The following OPHN1 variants were observed in gnomAD, a reference collection of about 807,000 sequenced individuals.
The protein encoded by OPHN1 is oligophrenin-1.
Under a neutral mutation model 60.7 loss-of-function variants are expected in OPHN1, and 11 were observed. The observed-to-expected ratio is 0.18, with a 90% CI of 0.11 to 0.30. OPHN1 has a LOEUF of 0.30. Ranked by LOEUF, OPHN1 falls within the 10% of genes least tolerant of loss-of-function variation. The probability of loss-of-function intolerance (pLI) is 1.00; values close to 1 mark genes in which losing one functional copy is unlikely to be tolerated. For synonymous variants in OPHN1, 226 were observed against 222.6 expected (o/e 1.02, Z -0.14); for missense variants, 449 against 611.0 (o/e 0.73, Z 2.80).
chrX:68,279,150 C>T (rs2078007957), intron 4 of OPHN1, among the ~76,000 whole-genome samples: 1 of 72,423 alleles, frequency 1.4e-5, no homozygotes, highest in African/African-American at 5.5e-5. Flanking sequence ...GGGCCTTACT[C>T]GCCCAGGCTG....
chrX:68,410,498 G>A (rs2078763996), intron 2 of OPHN1, among the ~76,000 whole-genome samples: 1 of 109,485 alleles, frequency 9.1e-6, no homozygotes, highest in South Asian at 4.1e-4. Flanking sequence ...GGAGACGGAG[G>A]TTGCAGTGAG....
At chrX:68,376,569 G>A (rs2047425883) in intron 2 of OPHN1, among the ~76,000 whole-genome samples, 1 of 111,338 alleles carries the variant, frequency 9.0e-6, no homozygotes, top group Non-Finnish European at 1.9e-5. Context: ...GGCCACAGAA[G>A]GAGTGTGGCC....
At chrX:68,189,511 CA>C (rs1393285916) in intron 15 of OPHN1, among the ~76,000 whole-genome samples, 2 of 108,265 alleles carry the variant, frequency 1.8e-5, no homozygotes, top group African/African-American at 3.4e-5. Flanking sequence ...CCACCTCCCC[CA>C]ACCCCACAAC....
intron 19 of OPHN1, among the ~76,000 whole-genome samples, chrX:68,082,428 A>C (rs1184213436): frequency 1.8e-5 from 2 of 112,194 alleles, no homozygotes; most frequent in Admixed American, 1.9e-4. Context: ...ATAAGACTGG[A>C]AAGTTACTTT....
At chrX:68,226,435 C>T (rs1028854808) in intron 6 of OPHN1, among the ~76,000 whole-genome samples, 19 of 110,981 alleles carry the variant, frequency 1.7e-4, no homozygotes, top group Non-Finnish European at 3.0e-4. Flanking sequence ...TTGTCAGATT[C>T]ACCAAAGTTG....
chrX:68,044,484 A>T lies in OPHN1; in HGVS notation c.*2688T>A, dbSNP rs1433425881. ...TCTTTGTTATCCCTGCCAGTTCATC[A>T]CTTTCAGTTCATCCATTGCCAGATT... On this transcript the variant is annotated 3_prime_UTR_variant, in exon 25 of 25. Coordinates refer to ENST00000355520, the MANE Select transcript of OPHN1 (RefSeq NM_002547.3). 8.9e-6 allele frequency: 1 copy of T among 112,551 alleles called. No individual in the cohort carries two copies. Among genetic ancestry groups the T allele is most frequent in the Admixed American group, 9.4e-5 (1 of 10,649 alleles). The allele number at this position is 112,551 out of a possible 1,213,427, so 9.3% of individuals were successfully genotyped here. A position where few individuals can be genotyped will look rare whatever the true frequency, so the allele number is the denominator to read the frequency against.
intron 15 of OPHN1, among the ~76,000 whole-genome samples, chrX:68,148,783 C>T (rs903163982): frequency 9.0e-6 from 1 of 111,059 alleles, no homozygotes; most frequent in Non-Finnish European, 1.9e-5. Flanking sequence ...CCAGGGCCCA[C>T]ATCCCACTGC....
At chrX:68,299,645 G>A (rs1290100459) in intron 2 of OPHN1, among the ~76,000 whole-genome samples, 2 of 111,505 alleles carry the variant, frequency 1.8e-5, no homozygotes, top group Non-Finnish European at 3.8e-5. Context: ...TCTGGAAGAC[G>A]AAGACTCCTT....
At chrX:68,151,268 G>T (rs905733218) in intron 15 of OPHN1, among the ~76,000 whole-genome samples, 1 of 112,262 alleles carries the variant, frequency 8.9e-6, no homozygotes, top group Non-Finnish European at 1.9e-5. Context: ...AAAAGAATGG[G>T]TGTGGCTATG....
intron 23 of OPHN1, among the ~76,000 whole-genome samples, chrX:68,051,268 A>G (rs1315892819): frequency 1.8e-5 from 2 of 111,473 alleles, no homozygotes; most frequent in East Asian, 2.8e-4. Context: ...CAAACTCACA[A>G]AAGAGTCCCT....
intron 18 of OPHN1, among the ~76,000 whole-genome samples, chrX:68,100,500 G>A (rs957566600): frequency 9.0e-6 from 1 of 111,117 alleles, no homozygotes; most frequent in Admixed American, 9.6e-5. Context: ...TGGGAGGAGG[G>A]GAAATGGGTG....
intron 15 of OPHN1, among the ~76,000 whole-genome samples, chrX:68,187,442 A>G (rs1244247597): frequency 9.2e-6 from 1 of 108,380 alleles, no homozygotes; most frequent in Admixed American, 9.9e-5. Context: ...TGGTGTTGTT[A>G]AAGTGGACCA....
chrX:68,315,514 A>G (rs2078195238), intron 2 of OPHN1, among the ~76,000 whole-genome samples: 1 of 111,932 alleles, frequency 8.9e-6, no homozygotes, highest in African/African-American at 3.2e-5. Flanking sequence ...ATTAAAGTCT[A>G]GAAGCTTTAC....
At chrX:68,232,008 T>C (rs762547206) in intron 6 of OPHN1, among the ~76,000 whole-genome samples, 3 of 112,216 alleles carry the variant, frequency 2.7e-5, no homozygotes, top group Non-Finnish European at 3.8e-5. Context: ...ATATGAGAAC[T>C]CTGTACTTAC....
intron 2 of OPHN1, among the ~76,000 whole-genome samples, chrX:68,383,089 G>A (rs890547001): frequency 7.2e-5 from 8 of 110,756 alleles, no homozygotes; most frequent in African/African-American, 9.9e-5. Flanking sequence ...TTGTGAGGCC[G>A]AGATGGGAGG....
intron 2 of OPHN1, among the ~76,000 whole-genome samples, chrX:68,309,936 T>C (rs907576049): frequency 8.9e-6 from 1 of 111,963 alleles, no homozygotes; most frequent in Admixed American, 9.5e-5. Context: ...CCACAGCTTC[T>C]AGTGCTGTTA....
At chrX:68,249,889 C>T (rs1182674921) in intron 5 of OPHN1, among the ~76,000 whole-genome samples, 1 of 111,939 alleles carries the variant, frequency 8.9e-6, no homozygotes, top group Non-Finnish European at 1.9e-5. Flanking sequence ...CAAAGGTTTC[C>T]TAAATTCTTG....
intron 15 of OPHN1, among the ~76,000 whole-genome samples, chrX:68,184,507 G>A (rs1343802437): frequency 9.4e-6 from 1 of 106,207 alleles, no homozygotes; most frequent in Non-Finnish European, 1.9e-5. Flanking sequence ...GGGTGACAGA[G>A]CGAGACTCCG....
At chrX:68,190,062 C>A (rs926636103) in intron 15 of OPHN1, among the ~76,000 whole-genome samples, 1 of 111,134 alleles carries the variant, frequency 9.0e-6, no homozygotes, top group Non-Finnish European at 1.9e-5. Context: ...GATGGGTCCA[C>A]ATGCAGCCAA....
Sources: allele counts gnomAD v4.1 joint callset (sites outside exome capture counted in the v4.1 genomes callset), GRCh38; gene constraint gnomAD v4.1.1; transcripts MANE v1.5; gene names NCBI Gene and HGNC (gene_info 2026-07-23, HGNC 2026-07-21).